FILIP1L: variants seen among roughly 807,000 people sequenced by gnomAD.
The protein encoded by FILIP1L is filamin A interacting protein 1 like.
In FILIP1L, 55 loss-of-function variants were observed where a neutral mutation model predicts 96.6. That is an observed-to-expected ratio of 0.57 (90% CI 0.46 to 0.71). The LOEUF is 0.71. Among genes scored for constraint, FILIP1L ranks in the 30% least tolerant of loss-of-function variants. The pLI is 0.00. For missense variants in FILIP1L, 1,304 were observed against 1,321.2 expected, an observed-to-expected ratio of 0.99 and a Z score of 0.20; for synonymous variants, 467 against 473.9, an observed-to-expected ratio of 0.99 and a Z score of 0.19.
chr3:99,961,701 T>A lies in FILIP1L; in HGVS notation c.-10-30671A>T, dbSNP rs529242107. Among the ~76,000 whole-genome samples, 5 of 152,204 alleles carry A rather than the reference T, an allele frequency of 3.3e-5. No homozygotes were observed. The East Asian group carries it at 7.7e-4, about 23-fold the overall frequency. On this transcript the variant is annotated intron_variant, in intron 1 of 5. Coordinates refer to ENST00000477258, the MANE Select transcript of FILIP1L (RefSeq NM_001387850.1). ...ATATTCTTTTATAAGTGATTTAGTC[T>A]AAAAAAAATTTTTTAAGAATATTCT...
In FILIP1L at chr3:99,848,767, T is replaced by C. The variant is rs200033744; in HGVS notation, c.2909A>G (p.Glu970Gly). Residue 970 changes from glutamate to glycine, a missense_variant, in exon 5 of 6, where the codon GAA becomes GGA. Transcript: ENST00000477258. ...KTSTEDLMNL[E>G]QGMSPITMAT... is the part of the protein sequence containing the mutation. ...CATGGTAATTGGGGACATGCCTTGT[T>C]CTAAATTCATGAGGTCTTCGGTAGA... 9.3e-6 allele frequency: 15 copies of C among 1,614,094 alleles called. No individual in the cohort carries two copies. The highest frequency in any genetic ancestry group is 1.6e-4 in the Middle Eastern group (1 of 6,084).
chr3:100,010,773 C>G (rs1206861809), intron 1 of FILIP1L, among the ~76,000 whole-genome samples: 3 of 124,190 alleles, frequency 2.4e-5, no homozygotes, highest in African/African-American at 9.3e-5. Context: ...CGCCTCCACG[C>G]CCGGATTTTT....
intron 1 of FILIP1L, among the ~76,000 whole-genome samples, chr3:99,989,541 C>A (rs1709450295): frequency 6.6e-6 from 1 of 152,136 alleles, no homozygotes; most frequent in Non-Finnish European, 1.5e-5. Context: ...TATCTTAGTC[C>A]TCCTGTTCCT....
chr3:99,925,314 A>G (rs1707257535), intron 3 of FILIP1L, among the ~76,000 whole-genome samples: 2 of 152,154 alleles, frequency 1.3e-5, no homozygotes, highest in Non-Finnish European at 2.9e-5. Context: ...CTTTTTTACA[A>G]AATGATCAAC....
chr3:99,937,370 C>A (rs1464810778), intron 1 of FILIP1L, among the ~76,000 whole-genome samples: 3 of 152,142 alleles, frequency 2.0e-5, no homozygotes, highest in African/African-American at 7.2e-5. Context: ...GTTCTGTTTT[C>A]ATATATTGTT....
In FILIP1L at chr3:99,927,924, C is replaced by T. The variant is rs117786530; in HGVS notation, c.426+1932G>A. ...CAGTGTTCCTGTCGTGTCATGTAAC[C>T]GAGAGCTGTTTGTTCTTCTAAGTTA... On this transcript the variant is annotated intron_variant, in intron 3 of 5. Coordinates refer to ENST00000477258, the MANE Select transcript of FILIP1L (RefSeq NM_001387850.1). 8.3e-4 allele frequency among the ~76,000 whole-genome samples: 127 copies of T among 152,134 alleles called. No individual in the cohort carries two copies. In the East Asian group the frequency reaches 0.019, roughly 22 times the overall value.
At chr3:99,944,547 A>G (rs888901050) in intron 1 of FILIP1L, among the ~76,000 whole-genome samples, 9 of 152,334 alleles carry the variant, frequency 5.9e-5, no homozygotes, top group African/African-American at 2.2e-4. Flanking sequence ...ACTGAAAACA[A>G]CCCTGTAAGG....
chr3:100,089,855 G>T (rs1331041563), intron 1 of FILIP1L, among the ~76,000 whole-genome samples: 2 of 152,204 alleles, frequency 1.3e-5, no homozygotes, highest in Non-Finnish European at 2.9e-5. Context: ...CCACCTACTA[G>T]TTCAGTGACC....
intron 1 of FILIP1L, among the ~76,000 whole-genome samples, chr3:99,954,478 T>A: frequency 6.6e-6 from 1 of 152,162 alleles, no homozygotes; most frequent in Non-Finnish European, 1.5e-5. Context: ...GAAAAAGAAC[T>A]CAACCTCTGT....
At chr3:99,961,527 C>A (rs1708490302) in intron 1 of FILIP1L, among the ~76,000 whole-genome samples, 1 of 152,104 alleles carries the variant, frequency 6.6e-6, no homozygotes, top group African/African-American at 2.4e-5. Flanking sequence ...CATGTGTGAA[C>A]CCATCCAGTG....
intron 1 of FILIP1L, among the ~76,000 whole-genome samples, chr3:99,951,161 G>A (rs1354041974): frequency 6.6e-6 from 1 of 152,128 alleles, no homozygotes; most frequent in Non-Finnish European, 1.5e-5. Flanking sequence ...TCTTCCCTCA[G>A]CTGTTCACTC....
intron 4 of FILIP1L, among the ~76,000 whole-genome samples, chr3:99,881,277 A>G (rs1016420713): frequency 5.3e-5 from 8 of 152,226 alleles, no homozygotes; most frequent in Non-Finnish European, 1.2e-4. Flanking sequence ...TCTGTTACTT[A>G]GGTCCAGTCC....
At chr3:100,012,299 T>C (rs1047898183) in intron 1 of FILIP1L, among the ~76,000 whole-genome samples, 1 of 152,186 alleles carries the variant, frequency 6.6e-6, no homozygotes. Flanking sequence ...CTGCCAAATA[T>C]GAGATGTATA....
At chr3:100,106,895 C>G (rs531005379) in intron 1 of FILIP1L, among the ~76,000 whole-genome samples, 12 of 152,086 alleles carry the variant, frequency 7.9e-5, no homozygotes, top group Non-Finnish European at 1.3e-4. Context: ...AATAAGATAA[C>G]AGAAGTATGC....
Position 99,978,275 on chromosome 3 carries a change from A to G in FILIP1L, c.-10-47245T>C, listed in dbSNP as rs1489462500. Among the ~76,000 whole-genome samples, 6 of 152,198 alleles carry G rather than the reference A, an allele frequency of 3.9e-5. 1 individual carries two copies. Among genetic ancestry groups the G allele is most frequent in the Non-Finnish European group, 1.5e-5 (1 of 68,040 alleles). ...TTAAAAAAATGAATCCAGCAATCCC[A>G]CTACTGGATATGTATCCAAGGGAAA... On this transcript the variant is annotated intron_variant, in intron 1 of 5. Transcript: ENST00000477258.
At chr3:100,075,183 A>G (rs1471613532) in intron 1 of FILIP1L, among the ~76,000 whole-genome samples, 1 of 152,220 alleles carries the variant, frequency 6.6e-6, no homozygotes, top group African/African-American at 2.4e-5. Flanking sequence ...ACCAGAAATG[A>G]TCAACCTGAA....
intron 1 of FILIP1L, among the ~76,000 whole-genome samples, chr3:100,101,516 A>G (rs1006853446): frequency 6.6e-6 from 1 of 152,164 alleles, no homozygotes; most frequent in Non-Finnish European, 1.5e-5. Flanking sequence ...AAGTACTTCC[A>G]TTGGAATTCT....
intron 1 of FILIP1L, among the ~76,000 whole-genome samples, chr3:100,100,178 G>A (rs1023053423): frequency 1.3e-5 from 2 of 152,158 alleles, no homozygotes; most frequent in Non-Finnish European, 2.9e-5. Flanking sequence ...TCAGATTTTG[G>A]TGTGTGGGCT....
At chr3:100,036,862 G>T (rs938371055) in intron 1 of FILIP1L, among the ~76,000 whole-genome samples, 3 of 152,094 alleles carry the variant, frequency 2.0e-5, no homozygotes, top group Non-Finnish European at 4.4e-5. Flanking sequence ...TTGATATTAC[G>T]CAGTGAGAAA....
Sources: gnomAD v4.1 joint callset for allele counts (sites outside exome capture counted in the v4.1 genomes callset) on GRCh38, gnomAD v4.1.1 for gene constraint, MANE v1.5 for transcripts, NCBI Gene and HGNC (gene_info 2026-07-23, HGNC 2026-07-21) for gene names.